MEF2A: variants seen among roughly 807,000 people sequenced by gnomAD.
The protein encoded by MEF2A is myocyte enhancer factor 2A, also known as myocyte-specific enhancer factor 2A.
MEF2A carries 28 observed loss-of-function variants against 55.8 expected under a neutral mutation model. The ratio of observed to expected loss-of-function variants is 0.50; its 90% CI spans 0.37 to 0.69. The LOEUF (loss-of-function observed/expected upper bound fraction) is 0.69, where lower values mean the gene tolerates loss of function less well. Among genes scored for constraint, MEF2A ranks in the 30% least tolerant of loss-of-function variants. MEF2A has a pLI of 0.00. For synonymous variants in MEF2A, 239 were observed against 227.1 expected (o/e 1.05, Z -0.47); for missense variants, 528 against 626.2 (o/e 0.84, Z 1.67).
chr15:99,605,250 T>G (rs1371468788), intron 2 of MEF2A, among the ~76,000 whole-genome samples: 1 of 152,204 alleles, frequency 6.6e-6, no homozygotes, highest in Non-Finnish European at 1.5e-5. Flanking sequence ...GTCCTGCCTC[T>G]CTTCCACTTT....
At chr15:99,646,074 G>A (rs1294615885) in intron 4 of MEF2A, among the ~76,000 whole-genome samples, 2 of 151,864 alleles carry the variant, frequency 1.3e-5, no homozygotes, top group Non-Finnish European at 2.9e-5. Context: ...ATCATTTTTG[G>A]ACAGTATGAA....
rs564813160 is a variant in MEF2A, at chr15:99,689,042, G to T, written c.671-1199G>T. Among the ~76,000 whole-genome samples, 45 of 152,262 alleles carry T rather than the reference G, an allele frequency of 3.0e-4. No homozygotes were observed. In the Middle Eastern group the frequency reaches 0.014, roughly 46 times the overall value. ...CTGACTACAGTATTCATGAAAACAG[G>T]ATGGTTTCATACGTATTTTATATCT... is the stretch of plus-strand genomic sequence containing the variant. On this transcript the variant is annotated intron_variant, in intron 7 of 11. Transcript: ENST00000557942.
chr15:99,572,683 G>A (rs1337198417), intron 1 of MEF2A, among the ~76,000 whole-genome samples: 1 of 152,152 alleles, frequency 6.6e-6, no homozygotes, highest in Non-Finnish European at 1.5e-5. Context: ...TATAGTTATT[G>A]AACTACTTAT....
At chr15:99,590,073 A>G (rs1392186215) in intron 1 of MEF2A, among the ~76,000 whole-genome samples, 1 of 152,052 alleles carries the variant, frequency 6.6e-6, no homozygotes, top group Admixed American at 6.5e-5. Context: ...TTTACCAGTT[A>G]GTGTGAAGGA....
At chr15:99,706,460 G>C in intron 9 of MEF2A, 2 of 404,426 alleles carry the variant, frequency 4.9e-6, no homozygotes, top group South Asian at 4.7e-5. Context: ...GCAACAAATA[G>C]AAGTGCTAAT....
chr15:99,695,908 A>G (rs990488345), intron 8 of MEF2A, among the ~76,000 whole-genome samples: 9 of 152,108 alleles, frequency 5.9e-5, no homozygotes, highest in Admixed American at 6.6e-5. Flanking sequence ...CACTTTAAAT[A>G]TAAAGACATA....
intron 1 of MEF2A, among the ~76,000 whole-genome samples, chr15:99,593,227 ATC>A (rs944950789): frequency 1.3e-5 from 2 of 152,032 alleles, no homozygotes; most frequent in African/African-American, 4.8e-5. Flanking sequence ...CTGAATTTTT[ATC>A]TGTCTCTTGT....
chr15:99,619,104 C>T (rs571250003), intron 2 of MEF2A, among the ~76,000 whole-genome samples: 3 of 152,154 alleles, frequency 2.0e-5, no homozygotes, highest in East Asian at 1.9e-4. Flanking sequence ...GCTGTGAGAG[C>T]GGTGGTGGAT....
intron 7 of MEF2A, 45 bp downstream of exon 7, chr15:99,675,503 A>G: frequency 3.3e-6 from 5 of 1,503,360 alleles, no homozygotes; most frequent in Non-Finnish European, 4.6e-6. Flanking sequence ...TCTATCCTAT[A>G]TGAGATCAAA....
chr15:99,612,038 G>A (rs967588306), intron 2 of MEF2A, among the ~76,000 whole-genome samples: 2 of 152,122 alleles, frequency 1.3e-5, no homozygotes, highest in African/African-American at 4.8e-5. Context: ...CTGCTAATGA[G>A]TATCAAATTT....
chr15:99,706,635 T>A (rs998799035), intron 9 of MEF2A, 94 bp from the exon 10 acceptor site: 6 of 1,409,564 alleles, frequency 4.3e-6, no homozygotes. Context: ...GACATTCATA[T>A]GAAACTGTGA....
chr15:99,706,235 T>A (rs977384240), intron 9 of MEF2A, among the ~76,000 whole-genome samples: 5 of 152,186 alleles, frequency 3.3e-5, no homozygotes, highest in African/African-American at 1.2e-4. Flanking sequence ...GAGAAAGAAA[T>A]AAGAATACAA....
chr15:99,666,186 C>G (rs561336845), intron 4 of MEF2A, among the ~76,000 whole-genome samples: 1 of 152,144 alleles, frequency 6.6e-6, no homozygotes, highest in South Asian at 2.1e-4. Context: ...GGGAATCAAC[C>G]CAAATGCCCA....
Position 99,606,855 on chromosome 15 carries a change from T to A in MEF2A, c.-143+8344T>A, listed in dbSNP as rs12439839. On this transcript the variant is annotated intron_variant, in intron 2 of 11. Transcript: ENST00000557942. ...TACACTTGAGTAATACATGTACATG[T>A]GTGTGGAGGGATGTGTTAAAGAACG... is the stretch of plus-strand genomic sequence containing the variant. Among the ~76,000 whole-genome samples the A allele has an allele frequency of 1.1e-3, 171 of 152,266 alleles. 4 individuals carry two copies. Among genetic ancestry groups the A allele is most frequent in the Admixed American group, 0.011 (161 of 15,294 alleles).
chr15:99,677,702 C>T (rs1402955458), intron 7 of MEF2A, among the ~76,000 whole-genome samples: 1 of 152,004 alleles, frequency 6.6e-6, no homozygotes, highest in Non-Finnish European at 1.5e-5. Context: ...AACAAAAAAG[C>T]CACAAATTGG....
intron 1 of MEF2A, among the ~76,000 whole-genome samples, chr15:99,569,641 C>T (rs1361438775): frequency 2.0e-5 from 3 of 152,114 alleles, no homozygotes; most frequent in African/African-American, 7.2e-5. Context: ...TAGGGATTGA[C>T]TGTGGGAGTG....
At chr15:99,642,032 A>G (rs558841144) in intron 3 of MEF2A, among the ~76,000 whole-genome samples, 27 of 152,192 alleles carry the variant, frequency 1.8e-4, no homozygotes, top group Admixed American at 1.2e-3. Flanking sequence ...TTTTGCCCCT[A>G]ACAAGGGCTT....
In MEF2A at chr15:99,624,381, A is replaced by C. The variant is rs573676971; in HGVS notation, c.-142-8597A>C. Among the ~76,000 whole-genome samples the C allele has an allele frequency of 2.6e-5, 4 of 152,312 alleles. No individual in the cohort carries two copies. The South Asian group carries it at 8.3e-4, about 32-fold the overall frequency. ...GTATATGGTGTTAGATAAACATCCA[A>C]CTTTATTCTTTTCCAGGTAGATATA... is the stretch of plus-strand genomic sequence containing the variant. On this transcript the variant is annotated intron_variant, in intron 2 of 11. Transcript: ENST00000557942.
intron 2 of MEF2A, among the ~76,000 whole-genome samples, chr15:99,602,653 G>GT (rs1555454715): frequency 2.5e-4 from 11 of 44,842 alleles, no homozygotes; most frequent in African/African-American, 3.5e-4. Flanking sequence ...ACATTCCTGG[G>GT]GTGTGTGTGT....
Sources: gnomAD v4.1 joint callset for allele counts (sites outside exome capture counted in the v4.1 genomes callset) on GRCh38, gnomAD v4.1.1 for gene constraint, MANE v1.5 for transcripts, NCBI Gene and HGNC (gene_info 2026-07-23, HGNC 2026-07-21) for gene names.